The following CORIN variants were observed in gnomAD, a reference collection of about 807,000 sequenced individuals.
CORIN encodes atrial natriuretic peptide-converting enzyme.
CORIN carries 117 observed loss-of-function variants against 125.3 expected under a neutral mutation model. The observed-to-expected ratio is 0.93, with a 90% confidence interval of 0.80 to 1.09. CORIN has a LOEUF of 1.09. Ranked by LOEUF, CORIN falls within the 50% of genes least tolerant of loss-of-function variation. The pLI, the probability that CORIN is intolerant of heterozygous loss-of-function variation, is 0.00. For synonymous variants in CORIN, 450 were observed against 466.4 expected (o/e 0.96, Z 0.45); for missense variants, 1,253 against 1,306.7 (o/e 0.96, Z 0.63).
rs774165654 is a variant in CORIN, at chr4:47,786,822, G to A, written c.312C>T (p.Asn104=). The A allele has an allele frequency of 4.7e-5, 76 of 1,613,786 alleles. No homozygotes were observed. Among genetic ancestry groups the A allele is most frequent in the Admixed American group, 8.3e-5 (5 of 59,992 alleles). The part of the protein sequence containing the change: ...SDVILTNTIY[N]QSTVVSTAHP... Reference sequence around the variant, plus strand: ...GTGCAGTAGACACCACAGTGCTCTGGTTATAAATTGTATTTGTAAGAATAA... The same window carrying A: ...GTGCAGTAGACACCACAGTGCTCTGATTATAAATTGTATTTGTAAGAATAA... Residue 104 remains asparagine, a synonymous_variant, in exon 3 of 22, where the codon AAC becomes AAT. Transcript: ENST00000273857.
chr4:47,740,658 A>G (rs927351058), intron 5 of CORIN, among the ~76,000 whole-genome samples: 2 of 151,972 alleles, frequency 1.3e-5, no homozygotes, highest in Admixed American at 6.6e-5. Flanking sequence ...ACAGAAAGGC[A>G]AGGGACCCAG....
intron 2 of CORIN, 93 bp from the exon 3 acceptor site, chr4:47,787,018 C>A (rs1730847681): frequency 3.4e-6 from 3 of 876,192 alleles, no homozygotes; most frequent in African/African-American, 1.7e-5. Flanking sequence ...TCTAGAGCTA[C>A]TTTCCCTATG....
chr4:47,696,187 T>C (rs1358165869), intron 5 of CORIN, among the ~76,000 whole-genome samples: 1 of 152,168 alleles, frequency 6.6e-6, no homozygotes, highest in Non-Finnish European at 1.5e-5. Context: ...TCTGTAGAGA[T>C]TTTTCTACCA....
chr4:47,649,426 A>C (rs1723639461), intron 13 of CORIN, among the ~76,000 whole-genome samples: 1 of 152,232 alleles, frequency 6.6e-6, no homozygotes, highest in Non-Finnish European at 1.5e-5. Context: ...TATGCTAGAC[A>C]GGACTCCTTC....
intron 20 of CORIN, among the ~76,000 whole-genome samples, chr4:47,600,931 T>C (rs1721424806): frequency 6.6e-6 from 1 of 152,232 alleles, no homozygotes; most frequent in African/African-American, 2.4e-5. Flanking sequence ...AGAGAGAATA[T>C]GTGAATTCCA....
intron 2 of CORIN, chr4:47,790,300 G>C: frequency 1.9e-6 from 1 of 513,624 alleles, no homozygotes; most frequent in African/African-American, 2.1e-5. Context: ...CTGCGCACTG[G>C]GAGGAGCGTG....
intron 3 of CORIN, among the ~76,000 whole-genome samples, chr4:47,772,117 G>GATAGA (rs1560542015): frequency 2.0e-4 from 19 of 93,330 alleles, no homozygotes; most frequent in African/African-American, 5.2e-4. Flanking sequence ...AGATAGATAG[G>GATAGA]TAGATAGATA....
chr4:47,620,350 A>G (rs10014808), intron 19 of CORIN, among the ~76,000 whole-genome samples: 40,960 of 152,128 alleles, frequency 0.27, 5,661 homozygotes, highest in Admixed American at 0.35. Flanking sequence ...AAAACTTATA[A>G]TAAATCTATA....
intron 5 of CORIN, among the ~76,000 whole-genome samples, chr4:47,705,451 A>G (rs749766630): frequency 2.6e-5 from 4 of 152,192 alleles, no homozygotes; most frequent in Non-Finnish European, 5.9e-5. Context: ...TAAACTTTGC[A>G]TTCACCTAGA....
At chr4:47,797,461 G>A (rs576272909) in intron 2 of CORIN, among the ~76,000 whole-genome samples, 19 of 151,880 alleles carry the variant, frequency 1.3e-4, no homozygotes, top group South Asian at 6.2e-4. Context: ...TTGCCATCAC[G>A]TTACAAATCC....
intron 3 of CORIN, among the ~76,000 whole-genome samples, chr4:47,786,162 T>C (rs1730793139): frequency 6.6e-6 from 1 of 152,112 alleles, no homozygotes; most frequent in African/African-American, 2.4e-5. Context: ...ACCTCAGAAA[T>C]ATTGAATGGC....
chr4:47,789,417 T>C (rs1039619310), intron 2 of CORIN, among the ~76,000 whole-genome samples: 2 of 152,248 alleles, frequency 1.3e-5, no homozygotes, highest in Admixed American at 1.3e-4. Flanking sequence ...ATAACAACTT[T>C]CTTTTAAAAA....
At chr4:47,706,033 T>C (rs1233697636) in intron 5 of CORIN, among the ~76,000 whole-genome samples, 1 of 152,262 alleles carries the variant, frequency 6.6e-6, no homozygotes, top group Non-Finnish European at 1.5e-5. Context: ...TACATTCTTA[T>C]AATAAACAAT....
intron 1 of CORIN, among the ~76,000 whole-genome samples, chr4:47,829,815 C>T (rs965460912): frequency 1.3e-5 from 2 of 152,176 alleles, no homozygotes; most frequent in African/African-American, 4.8e-5. Context: ...GTGTCCTGCT[C>T]ATTTTCTGCT....
At chr4:47,650,271 A>T (rs985525852) in intron 13 of CORIN, among the ~76,000 whole-genome samples, 10 of 152,264 alleles carry the variant, frequency 6.6e-5, no homozygotes, top group African/African-American at 2.4e-4. Flanking sequence ...CATTGCTGTC[A>T]ATCTTTTCTC....
At chr4:47,666,835 C>T (rs1166584236) in intron 10 of CORIN, among the ~76,000 whole-genome samples, 1 of 152,188 alleles carries the variant, frequency 6.6e-6, no homozygotes, top group Non-Finnish European at 1.5e-5. Flanking sequence ...AAATGTTTGT[C>T]ATTTAAGCCA....
At chr4:47,606,223 A>G (rs13144815) in intron 19 of CORIN, among the ~76,000 whole-genome samples, 41,125 of 151,988 alleles carry the variant, frequency 0.27, 5,704 homozygotes, top group Admixed American at 0.35. Flanking sequence ...TATCACATGA[A>G]CATTACAAGA....
intron 16 of CORIN, among the ~76,000 whole-genome samples, chr4:47,630,490 T>C (rs1254282973): frequency 1.3e-5 from 2 of 152,200 alleles, no homozygotes; most frequent in African/African-American, 2.4e-5. Flanking sequence ...TCAAAGTCAC[T>C]GTATCCTAAC....
chr4:47,598,130 C>G (rs891223701), intron 21 of CORIN, among the ~76,000 whole-genome samples: 8 of 152,276 alleles, frequency 5.3e-5, no homozygotes, highest in African/African-American at 1.9e-4. Context: ...TTTTGGTCCT[C>G]TTTGTAATAT....
Sources: allele counts gnomAD v4.1 joint callset (sites outside exome capture counted in the v4.1 genomes callset), GRCh38; gene constraint gnomAD v4.1.1; transcripts MANE v1.5; gene names NCBI Gene and HGNC (gene_info 2026-07-23, HGNC 2026-07-21).